The following KIF21B variants were observed in gnomAD, a reference collection of about 807,000 sequenced individuals.
KIF21B encodes kinesin-like protein KIF21B.
A neutral mutation model predicts 192.9 loss-of-function variants in KIF21B; 85 were observed. That is an observed-to-expected ratio of 0.44 (90% CI 0.37 to 0.53). The LOEUF (loss-of-function observed/expected upper bound fraction) is 0.53, where lower values mean the gene tolerates loss of function less well. Among genes scored for constraint, KIF21B ranks in the 20% least tolerant of loss-of-function variants. The pLI is 0.00. For synonymous variants in KIF21B, 832 were observed against 884.6 expected (o/e 0.94, Z 1.05); for missense variants, 1,716 against 2,194.8 (o/e 0.78, Z 4.36).
intron 24 of KIF21B, 65 bp downstream of exon 24, chr1:200,988,231 C>T (rs1656430118): frequency 1.2e-5 from 17 of 1,427,458 alleles, no homozygotes; most frequent in South Asian, 5.7e-5. Flanking sequence ...CCACAGTAAG[C>T]GGTGAACAGG....
At chr1:200,992,908 A>G (rs1656798680) in intron 15 of KIF21B, among the ~76,000 whole-genome samples, 1 of 152,236 alleles carries the variant, frequency 6.6e-6, no homozygotes, top group Admixed American at 6.5e-5. Context: ...CAATCATGAG[A>G]GAGGCATTAT....
intron 15 of KIF21B, among the ~76,000 whole-genome samples, chr1:200,995,864 G>A (rs1571939620): frequency 6.6e-6 from 1 of 152,114 alleles, no homozygotes; most frequent in African/African-American, 2.4e-5. Flanking sequence ...TGCACTTTGC[G>A]CAGACCCGAA....
At chr1:200,979,751 G>A (rs1211097528) in intron 29 of KIF21B, 36 bp from the exon 30 acceptor site, 11 of 1,479,654 alleles carry the variant, frequency 7.4e-6, no homozygotes, top group African/African-American at 1.4e-5. Flanking sequence ...GGGAGGGGAG[G>A]GATGTCAGCC....
Position 200,975,023 on chromosome 1 carries a change from T to A in KIF21B, c.4615-110A>T. ...GCTACTTCCAGGCTCCCCTGGCCTCTAGAGCTGCCACACGGGCGGGTGACA... is the reference window on the plus strand; with the variant it reads ...GCTACTTCCAGGCTCCCCTGGCCTCAAGAGCTGCCACACGGGCGGGTGACA... On this transcript the variant is annotated intron_variant, in intron 33 of 34. Transcript: ENST00000461742. The surrounding 1 kb of genome is among the most constrained non-coding windows in gnomAD (Gnocchi z 4.3). 1.8e-6 allele frequency: 2 copies of A among 1,122,070 alleles called. No individual in the cohort carries two copies. Among genetic ancestry groups the A allele is most frequent in the Non-Finnish European group, 2.6e-6 (2 of 775,766 alleles). The allele number at this position is 1,122,070 out of a possible 1,614,324, so 69.5% of individuals were successfully genotyped here.
At chr1:201,006,925 C>T (rs1188367037) in intron 3 of KIF21B, among the ~76,000 whole-genome samples, 2 of 147,574 alleles carry the variant, frequency 1.4e-5, no homozygotes, top group African/African-American at 2.5e-5. Context: ...CACACAGACA[C>T]ACACACACAG....
intron 1 of KIF21B, among the ~76,000 whole-genome samples, chr1:201,018,246 TGAGA>T (rs1658623478): frequency 6.6e-6 from 1 of 152,192 alleles, no homozygotes. Flanking sequence ...ATATCCTTCC[TGAGA>T]GAGTGCCAAG....
chr1:200,988,568 A>AGGGGGGG, intron 22 of KIF21B, 24 bp from the exon 23 acceptor site: 1 of 1,511,644 alleles, frequency 6.6e-7, no homozygotes, highest in Non-Finnish European at 9.0e-7. Flanking sequence ...GGAGGGAGGG[A>AGGGGGGG]AAGGGGTTGA....
At chr1:201,005,068 A>G in intron 5 of KIF21B, 135 bp from the exon 6 acceptor site, 1 of 1,076,772 alleles carries the variant, frequency 9.3e-7, no homozygotes, top group Non-Finnish European at 1.3e-6. Context: ...AGCATCTGAC[A>G]ATGTGCACAG....
intron 29 of KIF21B, 139 bp from the exon 30 acceptor site, chr1:200,979,854 AG>A (rs1461159394): frequency 3.2e-6 from 2 of 628,714 alleles, no homozygotes. Context: ...AGGTCTGAAG[AG>A]GAAAAAAACA....
chr1:200,999,960 C>T lies in KIF21B; in HGVS notation c.1690G>A (p.Glu564Lys), dbSNP rs760922988. ...GCCCTCTTTTTGAAGGCTTCCTTCT[C>T]GGGGCTGCTCAGGGAGGACAGGGAA... ...KEVRQRRKSP[E>K]KEAFKKRAKL... Residue 564 changes from glutamate to lysine, a missense_variant, in exon 12 of 35, where the codon GAG (glutamate) becomes AAG (lysine). Physicochemically the swap from Glu to Lys is moderately conservative, Grantham distance 56. Coordinates refer to ENST00000461742, the MANE Select transcript of KIF21B (RefSeq NM_001252102.2). This position sits in a 1 kb window ranked among gnomAD's most constrained non-coding sequence, Gnocchi z 4.7. 3.0e-5 allele frequency: 49 copies of T among 1,613,662 alleles called. No homozygotes were observed. Among genetic ancestry groups the T allele is most frequent in the Non-Finnish European group, 3.9e-5 (46 of 1,180,002 alleles).
rs1210149473 is a variant in KIF21B, at chr1:201,008,967, T to C, written c.265-16A>G. Reference sequence around the variant, plus strand: ...CGGCCCCCGTCTGCATTGGCAAAGATAGGAGGGTGTAACCCTGCACCCTTT... The same window carrying C: ...CGGCCCCCGTCTGCATTGGCAAAGACAGGAGGGTGTAACCCTGCACCCTTT... On this transcript the variant is annotated splice_polypyrimidine_tract_variant and intron_variant, in intron 2 of 34. Transcript: ENST00000461742. The C allele has an allele frequency of 6.2e-7, 1 of 1,600,314 alleles. No homozygotes were observed. The highest frequency in any genetic ancestry group is 1.3e-5 in the African/African-American group (1 of 74,992).
At position 200,979,504 on chromosome 1, in the gene KIF21B, G is replaced by A. The variant is rs372264101; in HGVS notation, c.4160+31C>T. 3.5e-5 allele frequency: 53 copies of A among 1,493,234 alleles called. No homozygotes were observed. In the Middle Eastern group the frequency reaches 5.3e-4, roughly 15 times the overall value. 92.5% of individuals were successfully genotyped at this position (1,493,234 alleles called of 1,614,324 possible). A position where few individuals can be genotyped will look rare whatever the true frequency, so the allele number is the denominator to read the frequency against. ...GTACCCAACACAGCCTGCTGCAGCC[G>A]ACCACTGTGAGGCAGGCGGGGGTTA... On this transcript the variant is annotated intron_variant, in intron 30 of 34. Transcript: ENST00000461742.
At chr1:200,985,829 C>CCCTT (rs1246579645) in intron 26 of KIF21B, among the ~76,000 whole-genome samples, 7 of 91,820 alleles carry the variant, frequency 7.6e-5, no homozygotes, top group African/African-American at 1.7e-4. Context: ...CCCTTCCCTT[C>CCCTT]CCTTTTTTTT....
chr1:200,984,489 G>A (rs1302538756), intron 27 of KIF21B, among the ~76,000 whole-genome samples: 2 of 152,172 alleles, frequency 1.3e-5, no homozygotes, highest in African/African-American at 4.8e-5. Flanking sequence ...TGGAGTGGTT[G>A]AAGCTGAAGG....
Position 201,005,424 on chromosome 1 carries a change from G to A in KIF21B, c.616C>T (p.Gln206Ter), listed in dbSNP as rs375811791. 3 of 1,609,828 alleles carry A rather than the reference G, an allele frequency of 1.9e-6. No individual in the cohort carries two copies. The highest frequency in any genetic ancestry group is 2.5e-6 in the Non-Finnish European group (3 of 1,177,598). The stretch of plus-strand genomic sequence containing the variant: ...GCTGTGGTGCGGGACAGGGCCCCCT[G>A]CTTCAGGCACTGGATCAGCTGGAAA... ...SQEELIQCLK[Q>*]GALSRTTAST... The change falls in exon 5 of 35, where the codon CAG becomes TAG. Residue 206 changes from glutamine to a stop codon, truncating the protein, a stop_gained. Transcript: ENST00000461742. LOFTEE classifies it high-confidence loss of function.
chr1:200,989,059 T>C (rs1656501460), intron 21 of KIF21B, 128 bp from the exon 22 acceptor site: 4 of 977,346 alleles, frequency 4.1e-6, no homozygotes, highest in African/African-American at 1.6e-5. Context: ...CCCTTGTACC[T>C]GGCACAGACC....
rs927847271 is a variant in KIF21B at position 201,017,163 on chromosome 1, A to G, written c.41+6180T>C. Among the ~76,000 whole-genome samples the G allele has an allele frequency of 2.0e-5, 3 of 152,212 alleles. No homozygotes were observed. The highest frequency in any genetic ancestry group is 6.8e-3 in the Middle Eastern group (2 of 294). ...AGGCACCTTGAGAGTCCTGTTGTCT[A>G]TGGCCCTCCAGGGCATCAGGATCTC... On this transcript the variant is annotated intron_variant, in intron 1 of 34. Coordinates refer to ENST00000461742, the MANE Select transcript of KIF21B (RefSeq NM_001252102.2). The surrounding 1 kb of genome is among the most constrained non-coding windows in gnomAD (Gnocchi z 4.1).
At chr1:200,980,819 A>T in intron 29 of KIF21B, 141 bp downstream of exon 29, 1 of 1,049,152 alleles carries the variant, frequency 9.5e-7, no homozygotes, top group Non-Finnish European at 1.3e-6. Context: ...GGTAAGAAAC[A>T]AGGGTAGTAA....
chr1:200,988,120 A>AGGTTACATATC, intron 24 of KIF21B, among the ~76,000 whole-genome samples, 176 bp downstream of exon 24: 1 of 152,330 alleles, frequency 6.6e-6, no homozygotes, highest in East Asian at 1.9e-4. Context: ...GGGCTGCAAC[A>AGGTTACATATC]GGTTACATAT....
Sources: allele counts gnomAD v4.1 joint callset (sites outside exome capture counted in the v4.1 genomes callset), GRCh38; gene constraint gnomAD v4.1.1; non-coding constraint Gnocchi (gnomAD v3.1); transcripts MANE v1.5; gene names NCBI Gene and HGNC (gene_info 2026-07-23, HGNC 2026-07-21).